CNTN1: variants seen among roughly 807,000 people sequenced by gnomAD.
CNTN1 encodes contactin 1.
CNTN1 carries 38 observed loss-of-function variants against 126.4 expected under a neutral mutation model. The observed-to-expected ratio is 0.30, with a 90% CI of 0.23 to 0.39. CNTN1 has a LOEUF of 0.39. Among genes scored for constraint, CNTN1 ranks in the 10% least tolerant of loss-of-function variants. CNTN1 has a pLI of 1.00. For missense variants in CNTN1, 1,009 were observed against 1,248.4 expected, an observed-to-expected ratio of 0.81 and a Z score of 2.89; for synonymous variants, 413 against 422.6, an observed-to-expected ratio of 0.98 and a Z score of 0.28.
chr12:40,945,778 A>C (rs1946416769), intron 14 of CNTN1, among the ~76,000 whole-genome samples: 1 of 152,046 alleles, frequency 6.6e-6, no homozygotes, highest in Admixed American at 6.6e-5. Flanking sequence ...GGAAACAAAT[A>C]ATAAATTAGA....
chr12:41,035,903 G>A (rs1949249289), intron 23 of CNTN1, among the ~76,000 whole-genome samples: 1 of 152,138 alleles, frequency 6.6e-6, no homozygotes, highest in African/African-American at 2.4e-5. Context: ...TCAGATGTTT[G>A]TAATTTCTTG....
At chr12:41,053,736 T>C (rs576092206) in intron 23 of CNTN1, among the ~76,000 whole-genome samples, 5 of 151,558 alleles carry the variant, frequency 3.3e-5, no homozygotes, top group Admixed American at 3.3e-4. Flanking sequence ...AATATAATGC[T>C]AGCTCATATT....
chr12:40,912,033 T>C (rs907925290), intron 3 of CNTN1, among the ~76,000 whole-genome samples: 1 of 152,250 alleles, frequency 6.6e-6, no homozygotes, highest in African/African-American at 2.4e-5. Context: ...GAAAAAGTTA[T>C]ATCCAATATG....
chr12:40,950,977 T>C (rs1398936258), intron 14 of CNTN1, among the ~76,000 whole-genome samples: 1 of 151,842 alleles, frequency 6.6e-6, no homozygotes, highest in South Asian at 2.1e-4. Context: ...TAATATAATA[T>C]ATAAAATGTC....
At chr12:40,705,980 G>C (rs986035136) in intron 1 of CNTN1, among the ~76,000 whole-genome samples, 2 of 151,958 alleles carry the variant, frequency 1.3e-5, no homozygotes, top group African/African-American at 4.8e-5. Flanking sequence ...CCATTCATGA[G>C]AAATCTACCC....
intron 1 of CNTN1, among the ~76,000 whole-genome samples, chr12:40,902,675 A>G (rs1944651148): frequency 6.6e-6 from 1 of 152,210 alleles, no homozygotes; most frequent in South Asian, 2.1e-4. Flanking sequence ...ATGATTGTCT[A>G]ATCATCAGTG....
chr12:40,853,222 G>A (rs1194876686), intron 1 of CNTN1, among the ~76,000 whole-genome samples: 1 of 152,054 alleles, frequency 6.6e-6, no homozygotes, highest in Non-Finnish European at 1.5e-5. Context: ...AAAAAAAATT[G>A]AATGTCTGAA....
At chr12:40,975,083 C>T (rs1309683056) in intron 15 of CNTN1, among the ~76,000 whole-genome samples, 1 of 150,026 alleles carries the variant, frequency 6.7e-6, no homozygotes, top group Admixed American at 6.7e-5. Flanking sequence ...ACCAGAAAAC[C>T]CTGTCTTTGA....
chr12:40,907,488 C>A (rs1944873374), intron 1 of CNTN1, among the ~76,000 whole-genome samples: 1 of 152,160 alleles, frequency 6.6e-6, no homozygotes, highest in African/African-American at 2.4e-5. Flanking sequence ...AGTAGCAGGG[C>A]CCTTCACCTG....
intron 1 of CNTN1, among the ~76,000 whole-genome samples, chr12:40,850,325 AT>A (rs1565829316): frequency 1.3e-5 from 2 of 151,990 alleles, no homozygotes; most frequent in East Asian, 3.9e-4. Context: ...GGCCACAGTT[AT>A]TTTTTCTTTC....
At chr12:40,730,851 T>A (rs1942481615) in intron 1 of CNTN1, among the ~76,000 whole-genome samples, 1 of 152,122 alleles carries the variant, frequency 6.6e-6, no homozygotes, top group African/African-American at 2.4e-5. Flanking sequence ...TGGGGGAGTA[T>A]GTGTGTGAAG....
At chr12:40,849,691 G>T (rs1942647597) in intron 1 of CNTN1, among the ~76,000 whole-genome samples, 1 of 152,002 alleles carries the variant, frequency 6.6e-6, no homozygotes. Context: ...AATTACCTTT[G>T]TAGTAATTGC....
intron 16 of CNTN1, among the ~76,000 whole-genome samples, chr12:40,982,009 C>T (rs1035724614): frequency 2.0e-5 from 3 of 151,506 alleles, no homozygotes; most frequent in African/African-American, 7.3e-5. Context: ...TAATGGAAAT[C>T]CCATTTCCAA....
At chr12:40,731,180 A>C (rs577835562) in intron 1 of CNTN1, among the ~76,000 whole-genome samples, 3 of 152,088 alleles carry the variant, frequency 2.0e-5, no homozygotes, top group African/African-American at 7.2e-5. Context: ...AAATAGACCA[A>C]TCCTTGGCAA....
At chr12:41,011,304 G>A (rs1566139073) in intron 17 of CNTN1, among the ~76,000 whole-genome samples, 1 of 152,176 alleles carries the variant, frequency 6.6e-6, no homozygotes, top group Non-Finnish European at 1.5e-5. Flanking sequence ...CAAAGGTCTA[G>A]TAAGAAGGCC....
chr12:40,858,335 A>T (rs1393823782), intron 1 of CNTN1, among the ~76,000 whole-genome samples: 1 of 152,170 alleles, frequency 6.6e-6, no homozygotes, highest in Non-Finnish European at 1.5e-5. Context: ...TTCTCTTTCA[A>T]TTAAGTGAGA....
intron 1 of CNTN1, among the ~76,000 whole-genome samples, chr12:40,852,104 A>G (rs1393543757): frequency 6.6e-6 from 1 of 152,184 alleles, no homozygotes; most frequent in Non-Finnish European, 1.5e-5. Context: ...TTGTCTGTAA[A>G]GTAACCAGTG....
At chr12:40,891,904 A>G (rs1270028766) in intron 1 of CNTN1, among the ~76,000 whole-genome samples, 2 of 152,228 alleles carry the variant, frequency 1.3e-5, no homozygotes, top group African/African-American at 2.4e-5. Flanking sequence ...CCTTAGAATC[A>G]CTGTCAATGT....
chr12:40,999,181 A>T (rs2120576117), intron 17 of CNTN1, among the ~76,000 whole-genome samples: 1 of 152,320 alleles, frequency 6.6e-6, no homozygotes, highest in East Asian at 1.9e-4. Flanking sequence ...TATGACTGAA[A>T]TACAGAAGCA....
Sources: gnomAD v4.1 joint callset for allele counts (sites outside exome capture counted in the v4.1 genomes callset) on GRCh38, gnomAD v4.1.1 for gene constraint, MANE v1.5 for transcripts, NCBI Gene and HGNC (gene_info 2026-07-23, HGNC 2026-07-21) for gene names.